SGSH: variants seen among roughly 807,000 people sequenced by gnomAD.
SGSH encodes the protein N-sulfoglucosamine sulfohydrolase, also known as heparan sulfate sulfatase.
A neutral mutation model predicts 51.0 loss-of-function variants in SGSH; 48 were observed. The ratio of observed to expected loss-of-function variants is 0.94; its 90% CI spans 0.75 to 1.20. The LOEUF is 1.20. SGSH is among the 50% of genes most tolerant of loss of function. SGSH has a pLI of 0.00. For missense variants in SGSH, 662 were observed against 717.8 expected (o/e 0.92, Z 0.89); for synonymous variants, 321 against 313.4 (o/e 1.02, Z -0.26).
At chr17:80,216,030 T>C (rs1488018905) in intron 2 of SGSH, among the ~76,000 whole-genome samples, 2 of 151,168 alleles carry the variant, frequency 1.3e-5, no homozygotes. Flanking sequence ...CTGAGTGAAG[T>C]AAGGACACAA....
downstream of SGSH, among the ~76,000 whole-genome samples, chr17:80,206,531 C>T (rs562557924): frequency 5.3e-5 from 8 of 152,286 alleles, no homozygotes; most frequent in South Asian, 1.2e-3. Context: ...TTTGGGAGGC[C>T]GAGGCGGGCA....
In SGSH at chr17:80,210,657, CGCGCCCGGT is replaced by C. The variant is rs1567914835; in HGVS notation, c.1295_1303del (p.Tyr432_Arg435delinsCys). 53 of 1,614,008 alleles carry C rather than the reference CGCGCCCGGT, an allele frequency of 3.3e-5. No individual in the cohort carries two copies. The highest frequency in any genetic ancestry group is 4.4e-5 in the Non-Finnish European group (52 of 1,180,040). On this transcript the variant is annotated inframe_deletion, in exon 8 of 8. Transcript: ENST00000326317. Reference sequence around the variant, plus strand: ...CCGGCTCCGGTCGTAGAGCTCCCAGCGCGCCCGGTAGTAGTAATGACGGAGGTCCTTGTA... The same window carrying C: ...CCGGCTCCGGTCGTAGAGCTCCCAGCAGTAGTAATGACGGAGGTCCTTGTA...
intron 1 of SGSH, 170 bp from the exon 2 acceptor site, chr17:80,217,362 A>G: frequency 4.0e-6 from 3 of 754,910 alleles, no homozygotes; most frequent in Non-Finnish European, 6.8e-6. Context: ...AGAGCACTCC[A>G]TTACCTAGGA....
chr17:80,206,320 A>G (rs2041304383), downstream of SGSH, among the ~76,000 whole-genome samples: 1 of 152,234 alleles, frequency 6.6e-6, no homozygotes, highest in Non-Finnish European at 1.5e-5. Flanking sequence ...AAAAATAAAA[A>G]GAGAAGAAAG....
At chr17:80,203,169 C>G (rs1187505263), downstream of SGSH, 1 of 151,818 alleles carries the variant, frequency 6.6e-6, no homozygotes, top group African/African-American at 2.4e-5. The surrounding 1 kb of genome is among the most constrained non-coding windows in gnomAD (Gnocchi z 4.6). Context: ...ACTCAGGAGG[C>G]TGAGGCAGGA....
chr17:80,203,824 C>A, downstream of SGSH: 1 of 1,575,126 alleles, frequency 6.3e-7, no homozygotes, highest in East Asian at 2.3e-5. The surrounding 1 kb of genome is among the most constrained non-coding windows in gnomAD (Gnocchi z 4.6). Flanking sequence ...CTCTGCAGGG[C>A]TCAGCAGCAG....
Position 80,213,999 on chromosome 17 carries a change from A to T in SGSH, c.664-114T>A, listed in dbSNP as rs1338638554. On this transcript the variant is annotated intron_variant, in intron 5 of 7. Coordinates refer to ENST00000326317, the MANE Select transcript of SGSH (RefSeq NM_000199.5). This position sits in a 1 kb window ranked among gnomAD's most constrained non-coding sequence, Gnocchi z 4.6. ...TTAGCCCAGAACAGCCTCACTCCGG[A>T]CCACCCCGTCTCTCTACGGTTCTCT... 1.5e-6 allele frequency: 2 copies of T among 1,313,694 alleles called. No individual in the cohort carries two copies. The highest frequency in any genetic ancestry group is 2.1e-6 in the Non-Finnish European group (2 of 940,856). The allele number at this position is 1,313,694 out of a possible 1,614,324, so 81.4% of individuals were successfully genotyped here.
rs1044460259 is a variant in SGSH at position 80,210,372 on chromosome 17, C to G, written c.*80G>C. ...ACGGAAGGGCTGTTGCCACTACTCC[C>G]CAGGCTGGCCGGCCACACGGACACG... is the stretch of plus-strand genomic sequence containing the variant. On this transcript the variant is annotated 3_prime_UTR_variant, in exon 8 of 8. Transcript: ENST00000326317. 7.4e-6 allele frequency: 11 copies of G among 1,478,438 alleles called. No homozygotes were observed. The highest frequency in any genetic ancestry group is 9.0e-7 in the Non-Finnish European group (1 of 1,114,288). 91.6% of individuals were successfully genotyped at this position (1,478,438 alleles called of 1,614,324 possible). A position where few individuals can be genotyped will look rare whatever the true frequency, so the allele number is the denominator to read the frequency against.
intron 4 of SGSH, 105 bp downstream of exon 4, chr17:80,214,510 G>A (rs2041809906): frequency 7.4e-7 from 1 of 1,348,676 alleles, no homozygotes; most frequent in South Asian, 1.3e-5. Context: ...CTTCTCCCCT[G>A]CCCCCATTCG....
rs1370062440 is a variant in SGSH at position 80,210,689 on chromosome 17, G to C, written c.1272C>G (p.Tyr424Ter). ...RTTAGQPTGW[Y>*]KDLRHYYYRA... Reference sequence around the variant, plus strand: ...GGTAGTAGTAATGACGGAGGTCCTTGTACCAGCCCGTGGGCTGACCAGCTG... The same window carrying C: ...GGTAGTAGTAATGACGGAGGTCCTTCTACCAGCCCGTGGGCTGACCAGCTG... The change falls in exon 8 of 8, where the codon TAC becomes TAG. Residue 424 changes from tyrosine to a stop codon, truncating the protein, a stop_gained. Coordinates refer to ENST00000326317, the MANE Select transcript of SGSH (RefSeq NM_000199.5). LOFTEE classifies it high-confidence loss of function. The C allele has an allele frequency of 2.5e-6, 4 of 1,613,742 alleles. No individual in the cohort carries two copies. The highest frequency in any genetic ancestry group is 8.5e-7 in the Non-Finnish European group (1 of 1,179,848).
At chr17:80,215,343 C>T (rs1291797362) in intron 2 of SGSH, among the ~76,000 whole-genome samples, 6 of 152,194 alleles carry the variant, frequency 3.9e-5, no homozygotes, top group East Asian at 1.9e-4. Context: ...AGGAGGACTT[C>T]GCCAGAAAGA....
At chr17:80,215,592 A>G (rs1029195554) in intron 2 of SGSH, among the ~76,000 whole-genome samples, 16 of 151,362 alleles carry the variant, frequency 1.1e-4, no homozygotes, top group African/African-American at 3.9e-4. Context: ...AGGCCAACGC[A>G]GGTGGATCAC....
chr17:80,208,087 T>C, downstream of SGSH: 1 of 1,379,402 alleles, frequency 7.2e-7, no homozygotes. Context: ...CCAGGGCTCC[T>C]GGGCCCTTGC....
At chr17:80,201,434 G>A in the SGSH span, 34 of 353,694 alleles carry the variant, frequency 9.6e-5, no homozygotes, top group South Asian at 5.8e-4. The surrounding 1 kb of genome is among the most constrained non-coding windows in gnomAD (Gnocchi z 5.0). Flanking sequence ...TTCTAGAACC[G>A]AGGTTCTTTC....
chr17:80,214,903 C>A, intron 3 of SGSH, 130 bp downstream of exon 3: 1 of 1,310,360 alleles, frequency 7.6e-7, no homozygotes. Context: ...AGGCCCAGAT[C>A]CTTTGGGACA....
chr17:80,209,597 A>T lies in SGSH; in HGVS notation c.*855T>A. ...CAACGCCAGTGTCACCGAAGAATTA[A>T]CCCAAGGCAGAGGATGGGCATTGCC... On this transcript the variant is annotated 3_prime_UTR_variant, in exon 8 of 8. Transcript: ENST00000326317. 1 of 966,774 alleles carries T rather than the reference A, an allele frequency of 1.0e-6. No individual in the cohort carries two copies. The allele number at this position is 966,774 out of a possible 1,614,324, so 59.9% of individuals were successfully genotyped here.
chr17:80,210,893 G>C lies in SGSH; in HGVS notation c.1068C>G (p.Pro356=), dbSNP rs2144696905. Reference sequence around the variant, plus strand: ...GGCTGCCAAAGACGGTGGCCCAGAGGGGCTCGGCCTCCAGCGCCGGCAGGA... The same window carrying C: ...GGCTGCCAAAGACGGTGGCCCAGAGCGGCTCGGCCTCCAGCGCCGGCAGGA... ...RSLLPALEAE[P]LWATVFGSQS... is the part of the protein sequence containing the mutation. The change falls in exon 8 of 8, where the codon CCC becomes CCG. Residue 356 remains proline, a synonymous_variant. Coordinates refer to ENST00000326317, the MANE Select transcript of SGSH (RefSeq NM_000199.5). 2.2e-5 allele frequency: 36 copies of C among 1,612,388 alleles called. No homozygotes were observed. Among genetic ancestry groups the C allele is most frequent in the Non-Finnish European group, 3.1e-5 (36 of 1,179,974 alleles).
chr17:80,205,544 G>A, downstream of SGSH: 1 of 1,586,332 alleles, frequency 6.3e-7, no homozygotes, highest in Non-Finnish European at 8.6e-7. Context: ...ACTTGAGCCA[G>A]GAGGAGTATG....
chr17:80,210,834 A>G lies in SGSH; in HGVS notation c.1127T>C (p.Met376Thr), dbSNP rs775729169. The G allele has an allele frequency of 3.7e-6, 6 of 1,613,992 alleles. No homozygotes were observed. The highest frequency in any genetic ancestry group is 5.1e-6 in the Non-Finnish European group (6 of 1,180,030). ...SHHEVTMSYP[M>T]RSVQHRHFRL... ...GAAGTGCCGGTGCTGCACGGAGCGC[A>G]TGGGGTAGGACATGGTGACCTCGTG... The change falls in exon 8 of 8, where the codon ATG becomes ACG. Residue 376 changes from methionine to threonine, a missense_variant. Physicochemically the swap from Met to Thr is moderately conservative, Grantham distance 81 (BLOSUM62 -1). Coordinates refer to ENST00000326317, the MANE Select transcript of SGSH (RefSeq NM_000199.5).
Sources: allele counts gnomAD v4.1 joint callset (sites outside exome capture counted in the v4.1 genomes callset), GRCh38; gene constraint gnomAD v4.1.1; non-coding constraint Gnocchi (gnomAD v3.1); transcripts MANE v1.5; gene names NCBI Gene and HGNC (gene_info 2026-07-23, HGNC 2026-07-21).